The following TRAPPC9 variants were observed in gnomAD, a reference collection of about 807,000 sequenced individuals.
The protein encoded by TRAPPC9 is trafficking protein particle complex subunit 9, also known as IKK2 binding protein.
Under a neutral mutation model 124.0 loss-of-function variants are expected in TRAPPC9, and 83 were observed. That is an observed-to-expected ratio of 0.67 (90% CI 0.56 to 0.80). The LOEUF (loss-of-function observed/expected upper bound fraction) is 0.80. Among genes scored for constraint, TRAPPC9 ranks in the 30% least tolerant of loss-of-function variants. The pLI is 0.00. For missense variants in TRAPPC9, 1,302 were observed against 1,508.3 expected (o/e 0.86, Z 2.27); for synonymous variants, 638 against 617.5 (o/e 1.03, Z -0.49).
chr8:139,846,222 G>A (rs764790170), intron 21 of TRAPPC9, among the ~76,000 whole-genome samples: 4 of 152,244 alleles, frequency 2.6e-5, no homozygotes, highest in African/African-American at 4.8e-5. Context: ...AACAGATGCC[G>A]GCCTGCGCTC....
chr8:140,418,411 T>A (rs1212728920), intron 5 of TRAPPC9, among the ~76,000 whole-genome samples: 1 of 152,108 alleles, frequency 6.6e-6, no homozygotes, highest in Non-Finnish European at 1.5e-5. Context: ...AAACTACAGA[T>A]CCACATTTCT....
At chr8:140,448,437 G>C (rs10103611) in intron 2 of TRAPPC9, among the ~76,000 whole-genome samples, 26,201 of 152,206 alleles carry the variant, frequency 0.17, 2,391 homozygotes, top group Middle Eastern at 0.28. Flanking sequence ...GCACACTCCC[G>C]CTCCTCCTGC....
At chr8:140,046,189 G>C (rs1841583710) in intron 17 of TRAPPC9, among the ~76,000 whole-genome samples, 1 of 152,236 alleles carries the variant, frequency 6.6e-6, no homozygotes, top group Non-Finnish European at 1.5e-5. Context: ...CTCCGGTGGT[G>C]CTTGGCACGG....
chr8:140,103,266 G>C (rs199576260), intron 17 of TRAPPC9, among the ~76,000 whole-genome samples: 2 of 152,020 alleles, frequency 1.3e-5, no homozygotes, highest in African/African-American at 4.8e-5. Flanking sequence ...CAGCATTATC[G>C]GGGCAAATAT....
At chr8:139,950,324 G>A (rs1834555002) in intron 19 of TRAPPC9, among the ~76,000 whole-genome samples, 1 of 152,358 alleles carries the variant, frequency 6.6e-6, no homozygotes, top group South Asian at 2.1e-4. Context: ...TTTATCGCTT[G>A]CCTACGAAAT....
At chr8:140,413,039 G>C (rs866325513) in intron 5 of TRAPPC9, among the ~76,000 whole-genome samples, 1 of 152,152 alleles carries the variant, frequency 6.6e-6, no homozygotes, top group African/African-American at 2.4e-5. Context: ...TAAGTGTCAG[G>C]TGCTGAGCTG....
chr8:140,343,425 T>C (rs2067249527), intron 9 of TRAPPC9, among the ~76,000 whole-genome samples: 1 of 152,252 alleles, frequency 6.6e-6, no homozygotes, highest in Non-Finnish European at 1.5e-5. Context: ...TTACAAGCCA[T>C]GAGAAATCTC....
intron 21 of TRAPPC9, among the ~76,000 whole-genome samples, chr8:139,763,770 G>A (rs1461295764): frequency 2.0e-5 from 3 of 152,218 alleles, no homozygotes; most frequent in African/African-American, 7.2e-5. Flanking sequence ...ACGAGGAGTG[G>A]CTCAGACCAG....
At chr8:140,052,635 A>AGCCGGG in intron 17 of TRAPPC9, among the ~76,000 whole-genome samples, 1 of 152,132 alleles carries the variant, frequency 6.6e-6, no homozygotes, top group Admixed American at 6.6e-5. Context: ...TATAAAAATT[A>AGCCGGG]GCCGGGTGTG....
intron 19 of TRAPPC9, chr8:139,914,837 G>A (rs957822590): frequency 6.6e-6 from 1 of 152,344 alleles, no homozygotes; most frequent in East Asian, 1.9e-4. Context: ...ACCTGCAGGT[G>A]TGGTTTGCAC....
At chr8:139,895,512 T>C (rs1300531655) in intron 20 of TRAPPC9, among the ~76,000 whole-genome samples, 4 of 152,180 alleles carry the variant, frequency 2.6e-5, no homozygotes, top group Non-Finnish European at 4.4e-5. Flanking sequence ...AAGATGGGAA[T>C]GTCTATTTTT....
At chr8:140,455,691 A>G (rs974512623) in intron 1 of TRAPPC9, among the ~76,000 whole-genome samples, 6 of 151,088 alleles carry the variant, frequency 4.0e-5, no homozygotes, top group African/African-American at 1.5e-4. Flanking sequence ...GGCCTCCCAA[A>G]GTGCTGGGAT....
chr8:139,928,738 C>T (rs1434618320), intron 19 of TRAPPC9, among the ~76,000 whole-genome samples: 1 of 151,112 alleles, frequency 6.6e-6, no homozygotes, highest in African/African-American at 2.4e-5. Context: ...TGCCCTCTCT[C>T]CACTCCTGAG....
intron 16 of TRAPPC9, among the ~76,000 whole-genome samples, chr8:140,224,372 C>T (rs531370265): frequency 2.6e-5 from 4 of 152,162 alleles, no homozygotes; most frequent in Non-Finnish European, 5.9e-5. Context: ...GAGACATGAG[C>T]CTGACAAACA....
intron 16 of TRAPPC9, among the ~76,000 whole-genome samples, chr8:140,244,800 CTTTTTTTTTTTT>C (rs1162364645): frequency 4.4e-5 from 4 of 90,180 alleles, no homozygotes; most frequent in Non-Finnish European, 5.8e-5. Context: ...TTTCCAATTC[CTTTTTTTTTTTT>C]TTTTTTTTTT....
At chr8:139,771,347 C>T (rs1233197526) in intron 21 of TRAPPC9, among the ~76,000 whole-genome samples, 1 of 152,152 alleles carries the variant, frequency 6.6e-6, no homozygotes, top group African/African-American at 2.4e-5. Context: ...TCCTGTCACT[C>T]ATTTCTAGCC....
intron 9 of TRAPPC9, among the ~76,000 whole-genome samples, chr8:140,320,491 C>T (rs779077210): frequency 2.6e-5 from 4 of 152,280 alleles, no homozygotes; most frequent in Non-Finnish European, 5.9e-5. Context: ...GGGGAGGCCA[C>T]GCCAAACGTC....
At chr8:140,072,596 G>GAGGAGGAGGAGAAGGGA (rs1563739037) in intron 17 of TRAPPC9, among the ~76,000 whole-genome samples, 3 of 5,666 alleles carry the variant, frequency 5.3e-4, no homozygotes, top group Non-Finnish European at 1.3e-3. Flanking sequence ...AGAAGGGAAG[G>GAGGAGGAGGAGAAGGGA]AGGAGGAGGA....
intron 17 of TRAPPC9, among the ~76,000 whole-genome samples, chr8:140,176,128 C>T (rs756421239): frequency 1.1e-4 from 16 of 152,194 alleles, no homozygotes; most frequent in African/African-American, 1.7e-4. Flanking sequence ...CAGTCAAAGA[C>T]GATCTCTCTT....
Sources: gnomAD v4.1 joint callset for allele counts (sites outside exome capture counted in the v4.1 genomes callset) on GRCh38, gnomAD v4.1.1 for gene constraint, MANE v1.5 for transcripts, NCBI Gene and HGNC (gene_info 2026-07-23, HGNC 2026-07-21) for gene names.